RPL18: variants seen among roughly 807,000 people sequenced by gnomAD.
RPL18 encodes ribosomal protein L18.
A neutral mutation model predicts 25.0 loss-of-function variants in RPL18; 4 were observed. That is an observed-to-expected ratio of 0.16 (90% CI 0.08 to 0.37). RPL18 has a LOEUF of 0.37. RPL18 is among the 10% of genes least tolerant of loss of function. The pLI is 1.00. For synonymous variants in RPL18, 129 were observed against 101.6 expected (o/e 1.27, Z -1.62); for missense variants, 179 against 267.9 (o/e 0.67, Z 2.32).
chr19:48,617,187 G>A lies in RPL18; in HGVS notation c.198+129C>T, dbSNP rs564042583. ...TTCCAACCAACAGTCCAAGCTCTAC[G>A]CTCGCGACTGGCTGAGACAAACCCT... is the stretch of plus-strand genomic sequence containing the variant. On this transcript the variant is annotated intron_variant, in intron 3 of 6. Transcript: ENST00000549920. 4.7e-5 allele frequency: 38 copies of A among 811,896 alleles called. No homozygotes were observed. The East Asian group carries it at 6.5e-4, about 14-fold the overall frequency. 50.3% of individuals were successfully genotyped at this position (811,896 alleles called of 1,614,324 possible). A position where few individuals can be genotyped will look rare whatever the true frequency, so the allele number is the denominator to read the frequency against.
intron 3 of RPL18, chr19:48,617,099 T>C: frequency 1.4e-6 from 1 of 706,080 alleles, no homozygotes; most frequent in Non-Finnish European, 2.6e-6. Context: ...CCAGGACACC[T>C]CCACCTCACA....
intron 1 of RPL18, chr19:48,618,164 AAT>A: frequency 3.6e-6 from 1 of 280,580 alleles, no homozygotes; most frequent in South Asian, 4.6e-5. Flanking sequence ...ATTTTGCAAC[AAT>A]GTTATCAAAA....
At chr19:48,616,474 G>A (rs1974174328) in intron 4 of RPL18, 1 of 678,620 alleles carries the variant, frequency 1.5e-6, no homozygotes, top group African/African-American at 1.8e-5. Context: ...CTTGAGCCCA[G>A]GCTGTCTGGC....
chr19:48,618,114 T>C, intron 1 of RPL18: 3 of 409,888 alleles, frequency 7.3e-6, no homozygotes, highest in Non-Finnish European at 1.3e-5. Context: ...ACAGCAATCA[T>C]ATTAACTTAA....
intron 1 of RPL18, 199 bp from the exon 2 acceptor site, chr19:48,618,076 G>A: frequency 3.9e-6 from 2 of 518,930 alleles, no homozygotes; most frequent in Non-Finnish European, 6.9e-6. Context: ...TTCAGCCCAT[G>A]GCACACAGAA....
At chr19:48,615,712 C>G in intron 6 of RPL18, 165 bp downstream of exon 6, 1 of 696,722 alleles carries the variant, frequency 1.4e-6, no homozygotes, top group East Asian at 2.7e-5. Flanking sequence ...AAACACAGCT[C>G]CAAGCAGTGT....
chr19:48,618,942 G>C, intron 1 of RPL18, 199 bp downstream of exon 1: 1 of 596,136 alleles, frequency 1.7e-6, no homozygotes, highest in Non-Finnish European at 3.0e-6. Context: ...ACCTCCACTT[G>C]GTCATCTACT....
Position 48,617,809 on chromosome 19 carries a change from G to A in RPL18, c.72C>T (p.Tyr24=), listed in dbSNP as rs901430475. The stretch of plus-strand genomic sequence containing the variant: ...GCCTCACCTTGACCAACAGCCTCAG[G>A]TAGATATCCTGGCTCTTGGGCTCCT... ...RRKEPKSQDI[Y]LRLLVKLYRF... The change falls in exon 2 of 7, where the codon TAC becomes TAT. Residue 24 remains tyrosine (Y), a synonymous_variant. Coordinates refer to ENST00000549920, the MANE Select transcript of RPL18 (RefSeq NM_000979.4). 9.3e-6 allele frequency: 15 copies of A among 1,613,902 alleles called. No individual in the cohort carries two copies. Among genetic ancestry groups the A allele is most frequent in the Admixed American group, 5.0e-5 (3 of 60,008 alleles).
chr19:48,617,484 G>T, intron 2 of RPL18, 61 bp from the exon 3 acceptor site: 1 of 1,213,428 alleles, frequency 8.2e-7, no homozygotes, highest in Non-Finnish European at 1.2e-6. Context: ...GCCTTCCAGT[G>T]AAGGGGCAAA....
chr19:48,616,800 G>A lies in RPL18; in HGVS notation c.223C>T (p.Arg75Trp), dbSNP rs767702521. The A allele has an allele frequency of 8.7e-6, 14 of 1,613,688 alleles. No individual in the cohort carries two copies. The highest frequency in any genetic ancestry group is 3.3e-5 in the Admixed American group (2 of 60,006). The change falls in exon 4 of 7, where the codon CGG becomes TGG. Residue 75 changes from arginine (R) to tryptophan (W), a missense_variant. By Grantham distance (101) the Arg-to-Trp change is moderately radical. Coordinates refer to ENST00000549920, the MANE Select transcript of RPL18 (RefSeq NM_000979.4). Reference protein sequence around the residue: ...RMIRKMKLPGRENKTAVVVGT... With the variant: ...RMIRKMKLPGWENKTAVVVGT... ...ACAACCACGGCCGTCTTGTTTTCCC[G>A]GCCAGGAAGCTTCATCTTCCGGATC...
intron 6 of RPL18, chr19:48,615,669 T>C: frequency 1.6e-6 from 1 of 644,326 alleles, no homozygotes; most frequent in South Asian, 1.9e-5. Flanking sequence ...GTGAACTGCA[T>C]GCTCCCCAGG....
At chr19:48,618,220 T>C (rs555336877) in intron 1 of RPL18, 1 of 217,370 alleles carries the variant, frequency 4.6e-6, no homozygotes, top group African/African-American at 2.3e-5. Context: ...ATCAAACCAA[T>C]GGCAGTAATG....
chr19:48,616,441 CAG>C, intron 4 of RPL18: 2 of 654,560 alleles, frequency 3.1e-6, no homozygotes, highest in Non-Finnish European at 5.4e-6. Context: ...AAGACCTGTG[CAG>C]AGGTGACAAA....
chr19:48,617,753 G>C, intron 2 of RPL18, 38 bp downstream of exon 2: 2 of 1,516,702 alleles, frequency 1.3e-6, no homozygotes, highest in Non-Finnish European at 1.8e-6. Flanking sequence ...GTCAGACCTG[G>C]GGTGACCCTT....
rs191881396 is a variant in RPL18, at chr19:48,616,715, C to T, written c.297+11G>A. On this transcript the variant is annotated intron_variant, in intron 4 of 6. Coordinates refer to ENST00000549920, the MANE Select transcript of RPL18 (RefSeq NM_000979.4). ...GGGTCTGATGGGTCTGCCCAGCCCC[C>T]GCCAGCTCACCTTCAGTTTGGGTAC... 636 of 1,587,638 alleles carry T rather than the reference C, an allele frequency of 4.0e-4. 4 individuals are homozygous for T. In the African/African-American group the frequency reaches 7.6e-3, roughly 19 times the overall value.
intron 1 of RPL18, chr19:48,618,815 C>T (rs1377838923): frequency 9.5e-6 from 4 of 422,360 alleles, no homozygotes; most frequent in South Asian, 3.2e-5. Context: ...GTGACAGGTC[C>T]AGATAAAGGC....
intron 3 of RPL18, 117 bp downstream of exon 3, chr19:48,617,199 C>T (rs1373733225): frequency 4.7e-6 from 4 of 859,580 alleles, no homozygotes; most frequent in Non-Finnish European, 8.1e-6. Flanking sequence ...TCGCGACTGG[C>T]TGAGACAAAC....
chr19:48,615,657 C>CCA (rs1974144348), intron 6 of RPL18: 1 of 643,184 alleles, frequency 1.6e-6, no homozygotes, highest in African/African-American at 1.8e-5. Context: ...TGGCAAAGGC[C>CCA]GGTGAACTGC....
At chr19:48,617,228 T>C (rs763875608) in intron 3 of RPL18, 88 bp downstream of exon 3, 1 of 1,015,384 alleles carries the variant, frequency 9.8e-7, no homozygotes, top group East Asian at 2.4e-5. Context: ...CCCTGGTTGC[T>C]CCCAGAGCTC....
Sources: allele counts gnomAD v4.1 joint callset, GRCh38; gene constraint gnomAD v4.1.1; transcripts MANE v1.5; gene names NCBI Gene and HGNC (gene_info 2026-07-23, HGNC 2026-07-21).